The following CCSER1 variants were observed in gnomAD, a reference collection of about 807,000 sequenced individuals.
CCSER1 encodes coiled-coil serine rich protein 1.
In CCSER1, 41 loss-of-function variants were observed where a neutral mutation model predicts 82.0. That is an observed-to-expected ratio of 0.50 (90% CI 0.39 to 0.65). The LOEUF is 0.65. Among genes scored for constraint, CCSER1 ranks in the 30% least tolerant of loss-of-function variants. The pLI is 0.00. For synonymous variants in CCSER1, 414 were observed against 383.9 expected, an observed-to-expected ratio of 1.08 and a Z score of -0.92; for missense variants, 1,119 against 1,064.2, an observed-to-expected ratio of 1.05 and a Z score of -0.72.
intron 6 of CCSER1, among the ~76,000 whole-genome samples, chr4:90,629,567 C>T (rs1028060638): frequency 6.6e-6 from 1 of 152,130 alleles, no homozygotes; most frequent in African/African-American, 2.4e-5. Context: ...CACCTGCCTC[C>T]CCCACCCTTG....
At chr4:91,575,806 C>T (rs1027538795) in intron 10 of CCSER1, among the ~76,000 whole-genome samples, 1 of 151,706 alleles carries the variant, frequency 6.6e-6, no homozygotes, top group African/African-American at 2.4e-5. Flanking sequence ...CAGTAAAATA[C>T]CTCGAACATT....
At chr4:91,549,149 A>G (rs1035341157) in intron 10 of CCSER1, among the ~76,000 whole-genome samples, 5 of 152,044 alleles carry the variant, frequency 3.3e-5, no homozygotes, top group Admixed American at 6.6e-5. Flanking sequence ...ATAGTCTACT[A>G]ATAAGTCCAT....
intron 10 of CCSER1, among the ~76,000 whole-genome samples, chr4:91,348,644 TTTAGA>T (rs2149296483): frequency 6.6e-6 from 1 of 152,298 alleles, no homozygotes; most frequent in East Asian, 1.9e-4. Flanking sequence ...TAAATAGATG[TTTAGA>T]TTAGTTCTTC....
At chr4:90,213,562 G>A (rs899616938) in intron 1 of CCSER1, among the ~76,000 whole-genome samples, 2 of 152,084 alleles carry the variant, frequency 1.3e-5, no homozygotes, top group Admixed American at 1.3e-4. Context: ...AAAGAGGAGA[G>A]GTCCACGAAC....
At chr4:90,661,231 T>G (rs6853920) in intron 6 of CCSER1, among the ~76,000 whole-genome samples, 77,461 of 151,466 alleles carry the variant, frequency 0.51, 19,981 homozygotes, top group Middle Eastern at 0.66. Flanking sequence ...GTGCTTTTAA[T>G]TTATTCTGTA....
intron 10 of CCSER1, among the ~76,000 whole-genome samples, chr4:91,431,347 C>T (rs10022644): frequency 0.83 from 125,910 of 152,280 alleles, 52,377 homozygotes; most frequent in African/African-American, 0.91. Context: ...AATGCTTTTC[C>T]TTCACTATTT....
intron 7 of CCSER1, among the ~76,000 whole-genome samples, chr4:90,745,071 A>G (rs1442525424): frequency 1.3e-5 from 2 of 152,118 alleles, no homozygotes; most frequent in Non-Finnish European, 2.9e-5. Flanking sequence ...CACATTTAGT[A>G]TCTTAACAAC....
intron 5 of CCSER1, among the ~76,000 whole-genome samples, chr4:90,497,417 A>G (rs1426503028): frequency 6.6e-6 from 1 of 152,200 alleles, no homozygotes; most frequent in Non-Finnish European, 1.5e-5. Flanking sequence ...ATTAATATAT[A>G]TGGGGTGTAT....
intron 5 of CCSER1, among the ~76,000 whole-genome samples, chr4:90,524,082 T>G (rs550503934): frequency 6.6e-6 from 1 of 152,226 alleles, no homozygotes; most frequent in African/African-American, 2.4e-5. Context: ...TTTATGAGAC[T>G]AGGGGAAGAA....
At chr4:90,608,277 C>G (rs1454155987) in intron 5 of CCSER1, among the ~76,000 whole-genome samples, 1 of 152,086 alleles carries the variant, frequency 6.6e-6, no homozygotes, top group Non-Finnish European at 1.5e-5. Context: ...GTTCGTCACC[C>G]AAACTCATGT....
At chr4:90,755,827 G>A (rs1386386020) in intron 7 of CCSER1, among the ~76,000 whole-genome samples, 2 of 152,136 alleles carry the variant, frequency 1.3e-5, no homozygotes, top group African/African-American at 4.8e-5. Context: ...AATGATCCTT[G>A]CTCCTTCAGC....
intron 9 of CCSER1, among the ~76,000 whole-genome samples, chr4:91,028,440 G>A (rs1740683635): frequency 6.6e-6 from 1 of 151,890 alleles, no homozygotes; most frequent in Non-Finnish European, 1.5e-5. Context: ...TTTACTACTG[G>A]TGCAAAATAA....
intron 8 of CCSER1, among the ~76,000 whole-genome samples, chr4:90,874,362 T>TA (rs1490425285): frequency 1.2e-4 from 18 of 152,110 alleles, no homozygotes; most frequent in Non-Finnish European, 2.4e-4. Flanking sequence ...TAAATTTTTT[T>TA]AAAATGTTTC....
chr4:91,395,160 G>T (rs539066989), intron 10 of CCSER1, among the ~76,000 whole-genome samples: 1 of 152,120 alleles, frequency 6.6e-6, no homozygotes, highest in African/African-American at 2.4e-5. Flanking sequence ...GATCAGTAAA[G>T]CTTTAGGAAG....
intron 4 of CCSER1, among the ~76,000 whole-genome samples, chr4:90,463,287 A>C (rs1012789468): frequency 1.3e-5 from 2 of 152,192 alleles, no homozygotes; most frequent in Non-Finnish European, 2.9e-5. Flanking sequence ...TATTACATTT[A>C]CACTATTACT....
chr4:90,315,856 C>T (rs978334180), intron 3 of CCSER1, among the ~76,000 whole-genome samples: 3 of 152,142 alleles, frequency 2.0e-5, no homozygotes, highest in African/African-American at 7.2e-5. Flanking sequence ...TGTTTTTTAA[C>T]TTGTAGCACT....
intron 10 of CCSER1, among the ~76,000 whole-genome samples, chr4:91,190,733 A>G (rs1392938429): frequency 6.6e-6 from 1 of 152,222 alleles, no homozygotes; most frequent in African/African-American, 2.4e-5. Context: ...AATAAAAAGT[A>G]CATTGTCTTA....
intron 6 of CCSER1, among the ~76,000 whole-genome samples, chr4:90,659,906 C>A (rs1423088715): frequency 3.3e-5 from 5 of 151,802 alleles, no homozygotes; most frequent in African/African-American, 1.2e-4. Flanking sequence ...TAGATTGCCA[C>A]ATGTATGTTT....
chr4:90,450,531 T>C (rs1761304565), intron 4 of CCSER1, among the ~76,000 whole-genome samples: 1 of 152,208 alleles, frequency 6.6e-6, no homozygotes, highest in African/African-American at 2.4e-5. Flanking sequence ...TGATTGTTGG[T>C]ACTTATCTTT....
Sources: allele counts gnomAD v4.1 joint callset (sites outside exome capture counted in the v4.1 genomes callset), GRCh38; gene constraint gnomAD v4.1.1; transcripts MANE v1.5; gene names NCBI Gene and HGNC (gene_info 2026-07-23, HGNC 2026-07-21).